Variants in TRIO observed in about 807,000 individuals in gnomAD.
TRIO encodes the protein trio Rho guanine nucleotide exchange factor.
In TRIO, 58 loss-of-function variants were observed where a neutral mutation model predicts 351.9. That is an observed-to-expected ratio of 0.16 (90% CI 0.13 to 0.21). The LOEUF is 0.21. Ranked by LOEUF, TRIO falls within the 10% of genes least tolerant of loss-of-function variation. The pLI is 1.00. For synonymous variants in TRIO, 1,758 were observed against 1,595.7 expected (o/e 1.10, Z -2.42); for missense variants, 3,201 against 4,027.8 (o/e 0.79, Z 5.56).
At chr5:14,460,300 A>G (rs1753678830) in intron 34 of TRIO, among the ~76,000 whole-genome samples, 1 of 151,882 alleles carries the variant, frequency 6.6e-6, no homozygotes, top group South Asian at 2.1e-4. Context: ...GTTTCTCAAG[A>G]CTGTGAGCAA....
At chr5:14,460,397 T>G (rs73061688) in intron 34 of TRIO, among the ~76,000 whole-genome samples, 6,204 of 152,222 alleles carry the variant, frequency 0.041, 423 homozygotes, top group African/African-American at 0.14. Flanking sequence ...TCTGCCACTT[T>G]CCAGTCGCCG....
chr5:14,361,783 G>A (rs1016322784), intron 13 of TRIO, among the ~76,000 whole-genome samples: 4 of 152,110 alleles, frequency 2.6e-5, no homozygotes, highest in African/African-American at 9.7e-5. Context: ...GTCATCTCTC[G>A]CAAGAAGCTT....
intron 1 of TRIO, among the ~76,000 whole-genome samples, chr5:14,263,475 G>A (rs2152263317): frequency 6.6e-6 from 1 of 152,254 alleles, no homozygotes; most frequent in South Asian, 2.1e-4. Context: ...TGGGATAATT[G>A]AGTTTTTTCT....
intron 11 of TRIO, among the ~76,000 whole-genome samples, chr5:14,357,717 G>A (rs1047462875): frequency 2.0e-5 from 3 of 152,172 alleles, no homozygotes; most frequent in South Asian, 2.1e-4. Flanking sequence ...ACTTCCTTCT[G>A]TGTGCTTCCG....
At chr5:14,405,414 C>G (rs547875044) in intron 31 of TRIO, among the ~76,000 whole-genome samples, 5 of 152,226 alleles carry the variant, frequency 3.3e-5, no homozygotes, top group African/African-American at 9.6e-5. Flanking sequence ...CCGCTGTTCC[C>G]TGAGTCCAGC....
chr5:14,281,720 T>G (rs1212721818), intron 3 of TRIO, among the ~76,000 whole-genome samples: 1 of 152,148 alleles, frequency 6.6e-6, no homozygotes, highest in African/African-American at 2.4e-5. Context: ...AGGCACATAC[T>G]GAAGGGCATC....
chr5:14,349,274 GTA>G (rs1491049126), intron 11 of TRIO, among the ~76,000 whole-genome samples: 5 of 133,776 alleles, frequency 3.7e-5, no homozygotes, highest in African/African-American at 8.6e-5. Flanking sequence ...TTTCCTGTGT[GTA>G]TGTGTGTACG....
chr5:14,235,605 A>C (rs951527357), intron 1 of TRIO, among the ~76,000 whole-genome samples: 1 of 152,136 alleles, frequency 6.6e-6, no homozygotes, highest in Non-Finnish European at 1.5e-5. Context: ...ACTAGCTTTT[A>C]ATGGTAGAAT....
chr5:14,480,321 A>C (rs746039723), intron 43 of TRIO, among the ~76,000 whole-genome samples: 11 of 152,244 alleles, frequency 7.2e-5, no homozygotes, highest in Non-Finnish European at 1.3e-4. Context: ...TTAAAAATTT[A>C]AGAAAACACT....
At chr5:14,344,986 G>A (rs937029822) in intron 11 of TRIO, among the ~76,000 whole-genome samples, 5 of 152,058 alleles carry the variant, frequency 3.3e-5, no homozygotes, top group African/African-American at 1.2e-4. Flanking sequence ...AGAAATAAGT[G>A]ATTTTTTTTT....
intron 1 of TRIO, among the ~76,000 whole-genome samples, chr5:14,199,077 A>G (rs1353427187): frequency 6.6e-6 from 1 of 151,878 alleles, no homozygotes; most frequent in Non-Finnish European, 1.5e-5. Flanking sequence ...GTCTCTACAA[A>G]AATACAAAAA....
intron 35 of TRIO, among the ~76,000 whole-genome samples, chr5:14,462,041 G>C (rs907069277): frequency 2.0e-5 from 3 of 152,192 alleles, no homozygotes; most frequent in Non-Finnish European, 4.4e-5. Context: ...GGTCCTCAGA[G>C]TTTTTAATTA....
chr5:14,254,791 C>T (rs1479081881), intron 1 of TRIO, among the ~76,000 whole-genome samples: 1 of 152,162 alleles, frequency 6.6e-6, no homozygotes, highest in Non-Finnish European at 1.5e-5. Flanking sequence ...AATTGAGAAA[C>T]AGCAGTCTTC....
chr5:14,216,601 A>T (rs1792244502), intron 1 of TRIO, among the ~76,000 whole-genome samples: 1 of 152,240 alleles, frequency 6.6e-6, no homozygotes. Context: ...TTCAGTGCAT[A>T]CCATAAACAT....
intron 6 of TRIO, among the ~76,000 whole-genome samples, chr5:14,293,947 C>T (rs542608133): frequency 1.3e-5 from 2 of 151,648 alleles, no homozygotes; most frequent in South Asian, 2.1e-4. Flanking sequence ...AACCTTGTAA[C>T]GTTTGTTGTA....
At chr5:14,300,009 C>T (rs1737742401) in intron 7 of TRIO, among the ~76,000 whole-genome samples, 1 of 152,210 alleles carries the variant, frequency 6.6e-6, no homozygotes, top group African/African-American at 2.4e-5. Flanking sequence ...GCTATAACTT[C>T]CATAGATGTG....
chr5:14,359,602 C>A, intron 13 of TRIO, 71 bp downstream of exon 13: 1 of 1,550,974 alleles, frequency 6.4e-7, no homozygotes, highest in South Asian at 1.2e-5. Flanking sequence ...CCGGCGCCCT[C>A]TTGTCTCTGC....
chr5:14,264,000 T>G (rs1011867484), intron 1 of TRIO, among the ~76,000 whole-genome samples: 1 of 152,204 alleles, frequency 6.6e-6, no homozygotes, highest in Non-Finnish European at 1.5e-5. Context: ...TATGAGACTG[T>G]AAGAAATAGA....
chr5:14,366,092 G>A (rs1311419773), intron 15 of TRIO, among the ~76,000 whole-genome samples: 1 of 152,064 alleles, frequency 6.6e-6, no homozygotes, highest in East Asian at 1.9e-4. Context: ...ACACAGAGTG[G>A]TTTTATTGTT....
Sources: gnomAD v4.1 joint callset for allele counts (sites outside exome capture counted in the v4.1 genomes callset) on GRCh38, gnomAD v4.1.1 for gene constraint, MANE v1.5 for transcripts, NCBI Gene and HGNC (gene_info 2026-07-23, HGNC 2026-07-21) for gene names.